The following CNOT11 variants were observed in gnomAD, a reference collection of about 807,000 sequenced individuals.
The protein encoded by CNOT11 is CCR4-NOT transcription complex subunit 11.
CNOT11 carries 18 observed loss-of-function variants against 44.6 expected under a neutral mutation model. The ratio of observed to expected loss-of-function variants is 0.40; its 90% CI spans 0.28 to 0.60. The LOEUF is 0.60. CNOT11 is among the 20% of genes least tolerant of loss of function. The probability of loss-of-function intolerance (pLI) is 0.38; values close to 1 mark genes in which losing one functional copy is unlikely to be tolerated. For missense variants in CNOT11, 513 were observed against 677.0 expected (o/e 0.76, Z 2.69); for synonymous variants, 291 against 270.9 (o/e 1.07, Z -0.73).
chr2:101,255,857 G>A (rs985584381), intron 1 of CNOT11, among the ~76,000 whole-genome samples: 1 of 152,170 alleles, frequency 6.6e-6, no homozygotes, highest in Non-Finnish European at 1.5e-5. Flanking sequence ...TGGGTGTAAG[G>A]CCGGGTGTGG....
rs1447349816 is a variant in CNOT11, at chr2:101,253,009, C to T, written c.45C>T (p.Thr15=). The T allele has an allele frequency of 6.7e-7, 1 of 1,501,350 alleles. No individual in the cohort carries two copies. Among genetic ancestry groups the T allele is most frequent in the South Asian group, 1.2e-5 (1 of 80,894 alleles). The allele number at this position is 1,501,350 out of a possible 1,614,324, so 93.0% of individuals were successfully genotyped here. Reference sequence around the variant, plus strand: ...GCGCGGCGTCTGGCCGGCTTCTCACCGCCGCGGAGCAAAGAGGGTCCCGGG... The same window carrying T: ...GCGCGGCGTCTGGCCGGCTTCTCACTGCCGCGGAGCAAAGAGGGTCCCGGG... ...GASAASGRLL[T]AAEQRGSREA... is the part of the protein sequence containing the mutation. The change falls in exon 1 of 7, where the codon ACC becomes ACT. Residue 15 remains threonine (T), a synonymous_variant. Transcript: ENST00000289382. This position sits in a 1 kb window ranked among gnomAD's most constrained non-coding sequence, Gnocchi z 4.3.
intron 5 of CNOT11, among the ~76,000 whole-genome samples, chr2:101,267,124 T>C (rs111296114): frequency 1.4e-4 from 22 of 152,260 alleles, no homozygotes; most frequent in African/African-American, 5.3e-4. Flanking sequence ...AAATTTATTT[T>C]ATTTATTTAT....
At chr2:101,262,420 C>T (rs74642933) in intron 2 of CNOT11, 119 bp from the exon 3 acceptor site, 69,532 of 855,070 alleles carry the variant, frequency 0.081, 3,690 homozygotes, top group Non-Finnish European at 0.099. Flanking sequence ...CACATTTTCT[C>T]TCTCTCTCTG....
chr2:101,266,044 T>G (rs1490635345), intron 4 of CNOT11, among the ~76,000 whole-genome samples: 1 of 152,186 alleles, frequency 6.6e-6, no homozygotes, highest in Admixed American at 6.5e-5. Flanking sequence ...TGGAACATAT[T>G]AAGTAGACGG....
At chr2:101,265,839 T>C (rs938882478) in intron 4 of CNOT11, among the ~76,000 whole-genome samples, 1 of 152,178 alleles carries the variant, frequency 6.6e-6, no homozygotes, top group South Asian at 2.1e-4. Context: ...TGGATGACTC[T>C]CCTCAGGAAA....
intron 2 of CNOT11, among the ~76,000 whole-genome samples, 178 bp downstream of exon 2, chr2:101,258,133 C>G (rs1191382559): frequency 6.6e-6 from 1 of 152,160 alleles, no homozygotes; most frequent in African/African-American, 2.4e-5. Flanking sequence ...GTGGCTCACA[C>G]CTGTAATCCC....
In CNOT11 at chr2:101,252,912, G is replaced by A. The variant is rs1681651158; in HGVS notation, c.-53G>A. ...CGCTTTACGGCCGCGGGGACGGAGC[G>A]AGCCGGCGCCAGGGCCCCTCGGGCC... is the stretch of plus-strand genomic sequence containing the variant. On this transcript the variant is annotated 5_prime_UTR_variant, in exon 1 of 7. Coordinates refer to ENST00000289382, the MANE Select transcript of CNOT11 (RefSeq NM_017546.5). 23 of 1,383,078 alleles carry A rather than the reference G, an allele frequency of 1.7e-5. No individual in the cohort carries two copies. The highest frequency in any genetic ancestry group is 2.0e-5 in the Non-Finnish European group (22 of 1,077,050). The allele number at this position is 1,383,078 out of a possible 1,614,324, so 85.7% of individuals were successfully genotyped here. A position where few individuals can be genotyped will look rare whatever the true frequency, so the allele number is the denominator to read the frequency against.
rs1043603602 is a variant in CNOT11 at position 101,261,972 on chromosome 2, G to A, written c.680-567G>A. On this transcript the variant is annotated intron_variant, in intron 2 of 6. Transcript: ENST00000289382. ...TGCCATTCTCCTGCCTCAGCCTCTC[G>A]AGTAGCTGGGACTACAGGCACCTGC... Among the ~76,000 whole-genome samples the A allele has an allele frequency of 5.3e-5, 8 of 149,980 alleles. No individual in the cohort carries two copies. In the South Asian group the frequency reaches 1.1e-3, roughly 20 times the overall value.
At chr2:101,257,055 A>C (rs1558766616) in intron 1 of CNOT11, among the ~76,000 whole-genome samples, 2 of 151,994 alleles carry the variant, frequency 1.3e-5, no homozygotes, top group Non-Finnish European at 2.9e-5. Context: ...TCTCAAAAAA[A>C]AAAAGAAAAG....
At position 101,257,739 on chromosome 2, in the gene CNOT11, T is replaced by C. The variant is rs1681765699; in HGVS notation, c.515-52T>C. ...AAGTACTGATTTTACCAGATTCAAG[T>C]TGATTTTTAAAAGTAACCATTGGAG... On this transcript the variant is annotated intron_variant, in intron 1 of 6. Transcript: ENST00000289382. The C allele has an allele frequency of 8.1e-6, 12 of 1,486,352 alleles. No homozygotes were observed. The South Asian group carries it at 1.1e-4, about 13-fold the overall frequency. The allele number at this position is 1,486,352 out of a possible 1,614,324, so 92.1% of individuals were successfully genotyped here. A position where few individuals can be genotyped will look rare whatever the true frequency, so the allele number is the denominator to read the frequency against.
intron 1 of CNOT11, among the ~76,000 whole-genome samples, chr2:101,254,514 A>G (rs1431457878): frequency 6.6e-6 from 1 of 152,148 alleles, no homozygotes; most frequent in Non-Finnish European, 1.5e-5. Flanking sequence ...CCTTTAGGGT[A>G]CAGGTACTTA....
intron 2 of CNOT11, among the ~76,000 whole-genome samples, chr2:101,259,183 A>G (rs1424831805): frequency 6.6e-6 from 1 of 152,156 alleles, no homozygotes; most frequent in African/African-American, 2.4e-5. Flanking sequence ...CTTGTTGAAA[A>G]TCATTTGCCC....
At position 101,257,773 on chromosome 2, in the gene CNOT11, A is replaced by C; in HGVS notation, c.515-18A>C. 6.3e-7 allele frequency: 1 copy of C among 1,598,112 alleles called. No homozygotes were observed. Among genetic ancestry groups the C allele is most frequent in the Non-Finnish European group, 8.5e-7 (1 of 1,169,918 alleles). ...AAAAGTAACCATTGGAGAAATCGTT[A>C]TACATTTTTGTTTGCAGGATTTTTA... On this transcript the variant is annotated intron_variant, in intron 1 of 6. Transcript: ENST00000289382.
Position 101,264,861 on chromosome 2 carries a change from GT to G in CNOT11, c.852del (p.Phe284LeufsTer18), listed in dbSNP as rs1450121572. Reference sequence around the variant, plus strand: ...TCATTACAGGCCATTTTCGACCAGAGTTTATTCGTCCACCGCCTCCACTCCA... The same window carrying G: ...TCATTACAGGCCATTTTCGACCAGAGTTATTCGTCCACCGCCTCCACTCCA... ...PPIESHFRPE[F>X]IRPPPPLHIC... is the part of the protein sequence containing the mutation. On this transcript the variant is annotated frameshift_variant, in exon 4 of 7. Coordinates refer to ENST00000289382, the MANE Select transcript of CNOT11 (RefSeq NM_017546.5). LOFTEE classifies it high-confidence loss of function. The G allele has an allele frequency of 6.2e-7, 1 of 1,614,112 alleles. No homozygotes were observed. Among genetic ancestry groups the G allele is most frequent in the Non-Finnish European group, 8.5e-7 (1 of 1,180,010 alleles).
In CNOT11 at chr2:101,253,271, C is replaced by G; in HGVS notation, c.307C>G (p.Arg103Gly). 6.2e-7 allele frequency: 1 copy of G among 1,611,810 alleles called. No individual in the cohort carries two copies. The highest frequency in any genetic ancestry group is 1.1e-5 in the South Asian group (1 of 90,996). Residue 103 changes from arginine (R) to glycine (G), a missense_variant, in exon 1 of 7, where the codon CGC (arginine) becomes GGC (glycine). Around this residue, in one of 4 missense-constraint regions of CNOT11, gnomAD observed 259 missense variants for 265.7 expected, o/e 0.97. Coordinates refer to ENST00000289382, the MANE Select transcript of CNOT11 (RefSeq NM_017546.5). The surrounding 1 kb of genome is among the most constrained non-coding windows in gnomAD (Gnocchi z 4.3). ...HHYFSKADHF[R>G]LGSVLVMLLQ... ...CTACTTCAGCAAGGCCGACCACTTC[C>G]GCCTGGGCTCGGTGCTCGTCATGCT...
At chr2:101,264,808 T>C (rs757225158) in intron 3 of CNOT11, 37 bp from the exon 4 acceptor site, 11 of 1,549,010 alleles carry the variant, frequency 7.1e-6, no homozygotes, top group Non-Finnish European at 9.8e-6. Context: ...AGATGTTAGC[T>C]TCCTGATAGG....
rs373337293 is a variant in CNOT11 at position 101,253,170 on chromosome 2, C to T, written c.206C>T (p.Ser69Leu). The change falls in exon 1 of 7, where the codon TCG (serine) becomes TTG (leucine). Residue 69 changes from serine to leucine, a missense_variant. Around this residue, in one of 4 missense-constraint regions of CNOT11, gnomAD observed 259 missense variants for 265.7 expected, o/e 0.97. Coordinates refer to ENST00000289382, the MANE Select transcript of CNOT11 (RefSeq NM_017546.5). The surrounding 1 kb of genome is among the most constrained non-coding windows in gnomAD (Gnocchi z 4.3). ...GRMSLTPKEL[S>L]SLLSIISEEA... ...ATGAGCTTGACCCCGAAGGAGCTCT[C>T]GAGCCTGCTGAGCATCATATCGGAG... 2.5e-6 allele frequency: 4 copies of T among 1,593,782 alleles called. No homozygotes were observed. The highest frequency in any genetic ancestry group is 3.4e-6 in the Non-Finnish European group (4 of 1,172,364).
At chr2:101,266,913 T>C (rs971928534) in intron 5 of CNOT11, 34 bp downstream of exon 5, 29 of 1,515,436 alleles carry the variant, frequency 1.9e-5, no homozygotes, top group South Asian at 3.4e-5. Flanking sequence ...TGTGTGGGGA[T>C]AGATACAGAT....
At chr2:101,265,396 T>C (rs527808399) in intron 4 of CNOT11, among the ~76,000 whole-genome samples, 1 of 152,322 alleles carries the variant, frequency 6.6e-6, no homozygotes, top group South Asian at 2.1e-4. Flanking sequence ...ACCCAGCCAT[T>C]GTGAGCATTT....
Sources: allele counts gnomAD v4.1 joint callset (sites outside exome capture counted in the v4.1 genomes callset), GRCh38; gene constraint gnomAD v4.1.1; regional missense constraint gnomAD v4.1.1; non-coding constraint Gnocchi (gnomAD v3.1); transcripts MANE v1.5; gene names NCBI Gene and HGNC (gene_info 2026-07-23, HGNC 2026-07-21).